ENO4: variants seen among roughly 807,000 people sequenced by gnomAD.
ENO4 encodes enolase 4.
Under a neutral mutation model 63.2 loss-of-function variants are expected in ENO4, and 53 were observed. The observed-to-expected ratio is 0.84, with a 90% confidence interval of 0.67 to 1.05. The LOEUF (loss-of-function observed/expected upper bound fraction) is 1.05. Among genes scored for constraint, ENO4 ranks in the 50% least tolerant of loss-of-function variants. The probability of loss-of-function intolerance (pLI) is 0.00; values close to 1 mark genes in which losing one functional copy is unlikely to be tolerated. For synonymous variants in ENO4, 266 were observed against 283.8 expected, an observed-to-expected ratio of 0.94 and a Z score of 0.63; for missense variants, 719 against 772.0, an observed-to-expected ratio of 0.93 and a Z score of 0.81.
intron 1 of ENO4, among the ~76,000 whole-genome samples, chr10:116,851,574 C>T (rs181345203): frequency 1.5e-4 from 23 of 152,320 alleles, no homozygotes; most frequent in Admixed American, 1.4e-3. Context: ...ACTCTCACCT[C>T]GTCTCTCCCT....
chr10:116,854,470 G>GAA (rs1305914156), intron 1 of ENO4, among the ~76,000 whole-genome samples: 1 of 151,518 alleles, frequency 6.6e-6, no homozygotes, highest in Admixed American at 6.6e-5. Flanking sequence ...TGAGGCAGGA[G>GAA]AATCGCTTGA....
At chr10:116,867,507 T>G (rs1454888421) in intron 7 of ENO4, among the ~76,000 whole-genome samples, 1 of 152,072 alleles carries the variant, frequency 6.6e-6, no homozygotes, top group African/African-American at 2.4e-5. Flanking sequence ...AAGGATTGTT[T>G]GAGCTCAGGC....
intron 10 of ENO4, among the ~76,000 whole-genome samples, chr10:116,909,304 C>T (rs768720263): frequency 6.6e-6 from 1 of 152,144 alleles, no homozygotes; most frequent in Non-Finnish European, 1.5e-5. Flanking sequence ...ACTAACTAAT[C>T]TAATTGTCAG....
chr10:116,910,619 T>A (rs933016247), intron 10 of ENO4, among the ~76,000 whole-genome samples: 2 of 152,170 alleles, frequency 1.3e-5, no homozygotes, highest in Non-Finnish European at 2.9e-5. Context: ...CTCAGTATAG[T>A]CTACTCTTTC....
chr10:116,879,577 G>A (rs1021868143), intron 12 of ENO4, among the ~76,000 whole-genome samples: 1 of 152,092 alleles, frequency 6.6e-6, no homozygotes, highest in Non-Finnish European at 1.5e-5. Context: ...AAATGACTGG[G>A]GTGTGCACCT....
intron 11 of ENO4, 116 bp downstream of exon 11, chr10:116,876,376 A>G: frequency 4.5e-6 from 4 of 883,940 alleles, no homozygotes; most frequent in Non-Finnish European, 3.3e-6. Context: ...AAGAAAAGAA[A>G]GTCCAACCAT....
Position 116,871,171 on chromosome 10 carries a change from A to G in ENO4, c.1094A>G (p.Asn365Ser). The G allele has an allele frequency of 6.4e-7, 1 of 1,550,446 alleles. No individual in the cohort carries two copies. The highest frequency in any genetic ancestry group is 8.7e-7 in the Non-Finnish European group (1 of 1,146,938). ...KMSHLGCLTINCDSIEQPLLL... is the reference protein window; with the variant it reads ...KMSHLGCLTISCDSIEQPLLL... ...TCTCATCTTGGCTGTTTAACCATTA[A>G]CTGTGACTCCATAGAACAGCCACTG... is the stretch of plus-strand genomic sequence containing the variant. Residue 365 changes from asparagine to serine, a missense_variant, in exon 9 of 14, where the codon AAC (asparagine) becomes AGC (serine). Physicochemically the swap from Asn to Ser is conservative, Grantham distance 46. Coordinates refer to ENST00000341276, the MANE Select transcript of ENO4 (RefSeq NM_001242699.2).
chr10:116,911,637 A>G, exon 11 of ENO4: 1 of 1,559,494 alleles, frequency 6.4e-7, no homozygotes, highest in Non-Finnish European at 8.7e-7. Context: ...GTGATGGAGC[A>G]GTCTGTAAGC....
At chr10:116,902,296 C>T (rs913502207) in intron 10 of ENO4, among the ~76,000 whole-genome samples, 2 of 152,154 alleles carry the variant, frequency 1.3e-5, no homozygotes, top group East Asian at 1.9e-4. Context: ...CAGCCCTACT[C>T]GAACCATTTC....
intron 12 of ENO4, 67 bp downstream of exon 12, chr10:116,879,425 G>T: frequency 8.1e-7 from 1 of 1,231,980 alleles, no homozygotes. Flanking sequence ...TCAGAGAAAT[G>T]CAGTCTCTGG....
At chr10:116,908,559 T>C (rs1848065087) in intron 10 of ENO4, among the ~76,000 whole-genome samples, 2 of 152,178 alleles carry the variant, frequency 1.3e-5, no homozygotes, top group Admixed American at 1.3e-4. Context: ...AAACAGATAT[T>C]TGAAAAACAC....
intron 10 of ENO4, among the ~76,000 whole-genome samples, chr10:116,896,645 C>A (rs536536665): frequency 3.3e-5 from 5 of 152,128 alleles, no homozygotes; most frequent in Non-Finnish European, 5.9e-5. Context: ...AAATGGGTCA[C>A]GTCATCTTTT....
At position 116,860,949 on chromosome 10, in the gene ENO4, C is replaced by T; in HGVS notation, c.790C>T (p.Leu264=). 2 of 1,541,188 alleles carry T rather than the reference C, an allele frequency of 1.3e-6. No homozygotes were observed. The highest frequency in any genetic ancestry group is 2.4e-5 in the South Asian group (2 of 83,116). Residue 264 remains leucine, a synonymous_variant, in exon 5 of 14, where the codon CTG becomes TTG. Coordinates refer to ENST00000341276, the MANE Select transcript of ENO4 (RefSeq NM_001242699.2). ...NKPLYLNIAL[L]KHNQEQPTTL... ...ACCTCTGTACTTAAATATCGCTCTA[C>T]TGAAGCACAATCAGGTTAGTATCTA...
intron 10 of ENO4, chr10:116,901,387 C>T (rs1444482128): frequency 2.0e-6 from 2 of 985,212 alleles, no homozygotes; most frequent in East Asian, 1.1e-4. Context: ...TCTAAGTAGT[C>T]TCTGAAAGAT....
At chr10:116,895,699 G>C (rs972927743) in intron 10 of ENO4, among the ~76,000 whole-genome samples, 2 of 152,130 alleles carry the variant, frequency 1.3e-5, no homozygotes, top group Non-Finnish European at 2.9e-5. Context: ...CCTTCCTTAA[G>C]CTCTTAAGAC....
At chr10:116,862,658 C>A (rs773668187) in intron 6 of ENO4, 141 bp from the exon 7 acceptor site, 40 of 616,276 alleles carry the variant, frequency 6.5e-5, no homozygotes, top group Non-Finnish European at 1.1e-4. Context: ...AACATTTAAT[C>A]TACTGATTTT....
At chr10:116,911,775 GA>G in exon 11 of ENO4, 1 of 1,604,562 alleles carries the variant, frequency 6.2e-7, no homozygotes, top group South Asian at 1.1e-5. Context: ...ACAATAAACT[GA>G]AATCTATTCT....
intron 13 of ENO4, 62 bp downstream of exon 13, chr10:116,880,048 G>A: frequency 3.1e-6 from 4 of 1,311,344 alleles, no homozygotes; most frequent in Non-Finnish European, 3.2e-6. Context: ...AAGATTGGAA[G>A]AGGGGGAATA....
chr10:116,886,047 T>C, downstream of ENO4: 1 of 373,150 alleles, frequency 2.7e-6, no homozygotes, highest in South Asian at 4.6e-5. Flanking sequence ...CCTAAAAAGG[T>C]ATCAACATCT....
Sources: allele counts gnomAD v4.1 joint callset (sites outside exome capture counted in the v4.1 genomes callset), GRCh38; gene constraint gnomAD v4.1.1; transcripts MANE v1.5; gene names NCBI Gene and HGNC (gene_info 2026-07-23, HGNC 2026-07-21).